SOCS6: variants seen among roughly 807,000 people sequenced by gnomAD.
The protein encoded by SOCS6 is STAT induced STAT inhibitor-4.
A neutral mutation model predicts 27.7 loss-of-function variants in SOCS6; 5 were observed. That is an observed-to-expected ratio of 0.18 (90% CI 0.09 to 0.38). The LOEUF is 0.38. Among genes scored for constraint, SOCS6 ranks in the 10% least tolerant of loss-of-function variants. The pLI, the probability that SOCS6 is intolerant of heterozygous loss-of-function variation, is 1.00. For synonymous variants in SOCS6, 271 were observed against 260.0 expected, an observed-to-expected ratio of 1.04 and a Z score of -0.41; for missense variants, 595 against 688.1, an observed-to-expected ratio of 0.86 and a Z score of 1.51.
intron 1 of SOCS6, among the ~76,000 whole-genome samples, chr18:70,313,341 A>G (rs1330904379): frequency 1.3e-5 from 2 of 151,416 alleles, no homozygotes; most frequent in South Asian, 2.1e-4. Context: ...GTTTTTCTCT[A>G]TTTTTTGCTT....
intron 1 of SOCS6, among the ~76,000 whole-genome samples, chr18:70,290,155 C>T: frequency 6.6e-6 from 1 of 152,190 alleles, no homozygotes. Context: ...ACAGAGAACA[C>T]AGTAATGACA....
At chr18:70,301,531 G>A (rs2062348210) in intron 1 of SOCS6, among the ~76,000 whole-genome samples, 2 of 151,998 alleles carry the variant, frequency 1.3e-5, no homozygotes, top group Admixed American at 1.3e-4. Context: ...CTGGGGTGGG[G>A]GTGGGGTGGG....
chr18:70,317,502 AC>A (rs2062416946), intron 1 of SOCS6, among the ~76,000 whole-genome samples: 1 of 137,172 alleles, frequency 7.3e-6, no homozygotes, highest in Admixed American at 7.4e-5. Context: ...ACACATATAT[AC>A]ATACATATAT....
intron 1 of SOCS6, among the ~76,000 whole-genome samples, chr18:70,309,252 T>TA (rs1036371329): frequency 3.9e-5 from 6 of 152,242 alleles, no homozygotes; most frequent in African/African-American, 1.4e-4. Flanking sequence ...CATTAAATAA[T>TA]AAAAAAACTT....
At position 70,294,962 on chromosome 18, in the gene SOCS6, G is replaced by A. The variant is rs142962075; in HGVS notation, c.-127+5872G>A. On this transcript the variant is annotated intron_variant, in intron 1 of 1. Transcript: ENST00000397942. ...AGTGATGATTATCTTATTTTCCATA[G>A]CATCGGACTCTTGAGTATAGAGAAG... is the stretch of plus-strand genomic sequence containing the variant. 3.3e-5 allele frequency among the ~76,000 whole-genome samples: 5 copies of A among 152,320 alleles called. No homozygotes were observed. The East Asian group carries it at 7.7e-4, about 23-fold the overall frequency.
chr18:70,305,407 A>G (rs2146272957), intron 1 of SOCS6, among the ~76,000 whole-genome samples: 1 of 152,338 alleles, frequency 6.6e-6, no homozygotes, highest in East Asian at 1.9e-4. Context: ...AGTCGACTAT[A>G]AATGTAAGGA....
At chr18:70,321,321 T>C (rs1213386032) in intron 1 of SOCS6, among the ~76,000 whole-genome samples, 6 of 134,464 alleles carry the variant, frequency 4.5e-5, no homozygotes, top group Non-Finnish European at 9.6e-5. Flanking sequence ...AGTTTTTTTT[T>C]TTTTTTTTTT....
intron 1 of SOCS6, among the ~76,000 whole-genome samples, chr18:70,298,756 A>G (rs900798476): frequency 6.6e-6 from 1 of 152,236 alleles, no homozygotes; most frequent in Admixed American, 6.5e-5. Context: ...TGATACACAC[A>G]GTGGTAAAGA....
chr18:70,304,842 A>G (rs1364319553), intron 1 of SOCS6, among the ~76,000 whole-genome samples: 2 of 152,162 alleles, frequency 1.3e-5, no homozygotes, highest in African/African-American at 2.4e-5. Flanking sequence ...TCTCTTATAT[A>G]TTGTGCTTTT....
chr18:70,320,178 G>A (rs1025977848), intron 1 of SOCS6, among the ~76,000 whole-genome samples: 2 of 151,856 alleles, frequency 1.3e-5, no homozygotes, highest in African/African-American at 4.8e-5. Context: ...TAGTAGAGAC[G>A]GGGTTTCACC....
rs191937305 is a variant in SOCS6 at position 70,316,136 on chromosome 18, C to T, written c.-126-8407C>T. 1.4e-4 allele frequency among the ~76,000 whole-genome samples: 21 copies of T among 152,342 alleles called. No individual in the cohort carries two copies. In the East Asian group the frequency reaches 4.0e-3, roughly 29 times the overall value. ...AAGTGCTGGGATTACAGGCATGAGCCACCTCGCCCGGCTGATATGTAGCAT... is the reference window on the plus strand; with the variant it reads ...AAGTGCTGGGATTACAGGCATGAGCTACCTCGCCCGGCTGATATGTAGCAT... On this transcript the variant is annotated intron_variant, in intron 1 of 1. Transcript: ENST00000397942.
At chr18:70,304,379 GA>G (rs35224917) in intron 1 of SOCS6, among the ~76,000 whole-genome samples, 3 of 149,500 alleles carry the variant, frequency 2.0e-5, no homozygotes, top group Non-Finnish European at 3.0e-5. Flanking sequence ...TGCAATCGGG[GA>G]AAAAAAAAAC....
At chr18:70,290,437 G>T (rs2062293588) in intron 1 of SOCS6, among the ~76,000 whole-genome samples, 1 of 152,170 alleles carries the variant, frequency 6.6e-6, no homozygotes, top group South Asian at 2.1e-4. Context: ...AAACACGAAT[G>T]GCATTGCTCA....
In SOCS6 at chr18:70,317,485, C is replaced by T. The variant is rs542147503; in HGVS notation, c.-126-7058C>T. ...ATACATATATACACATATATACATA[C>T]ATATATACACATATATACATACATA... On this transcript the variant is annotated intron_variant, in intron 1 of 1. Coordinates refer to ENST00000397942, the MANE Select transcript of SOCS6 (RefSeq NM_004232.4). 1.4e-4 allele frequency among the ~76,000 whole-genome samples: 20 copies of T among 145,560 alleles called. No individual in the cohort carries two copies. The South Asian group carries it at 4.5e-3, about 33-fold the overall frequency.
intron 1 of SOCS6, among the ~76,000 whole-genome samples, chr18:70,304,464 C>T (rs1196243091): frequency 6.6e-6 from 1 of 152,138 alleles, no homozygotes; most frequent in Non-Finnish European, 1.5e-5. Context: ...GCATCCCTCC[C>T]TTTGTCATGA....
chr18:70,291,524 C>T (rs773490356), intron 1 of SOCS6, among the ~76,000 whole-genome samples: 6 of 152,162 alleles, frequency 3.9e-5, no homozygotes, highest in Non-Finnish European at 7.4e-5. Flanking sequence ...TTATTTTGCT[C>T]ATAGAGGTGT....
intron 1 of SOCS6, among the ~76,000 whole-genome samples, chr18:70,318,107 C>T (rs922583821): frequency 2.0e-5 from 3 of 152,178 alleles, no homozygotes; most frequent in African/African-American, 2.4e-5. Context: ...CCACCTGCCT[C>T]AGCATCCCAA....
intron 1 of SOCS6, among the ~76,000 whole-genome samples, chr18:70,305,338 GCAC>G (rs1297530923): frequency 6.6e-6 from 1 of 152,192 alleles, no homozygotes; most frequent in Non-Finnish European, 1.5e-5. Context: ...ATTTGTCCCA[GCAC>G]CATTTGTCAA....
rs773474063 is a variant in SOCS6 at position 70,325,249 on chromosome 18, C to G, written c.581C>G (p.Ser194Trp). ...GAGCAAGCCAATTCACTGAAGAGCT[C>G]GGCTTCTCATAATGGAGACCTGCAT... is the stretch of plus-strand genomic sequence containing the variant. ...CQEQANSLKS[S>W]ASHNGDLHLH... is the part of the protein sequence containing the mutation. Residue 194 changes from serine to tryptophan, a missense_variant, in exon 2 of 2, where the codon TCG becomes TGG. Physicochemically the swap from Ser to Trp is radical, Grantham distance 177. Transcript: ENST00000397942. The surrounding 1 kb of genome is among the most constrained non-coding windows in gnomAD (Gnocchi z 6.3). 1 of 1,614,166 alleles carries G rather than the reference C, an allele frequency of 6.2e-7. No individual in the cohort carries two copies. Among genetic ancestry groups the G allele is most frequent in the Non-Finnish European group, 8.5e-7 (1 of 1,180,008 alleles).
Sources: allele counts gnomAD v4.1 joint callset (sites outside exome capture counted in the v4.1 genomes callset), GRCh38; gene constraint gnomAD v4.1.1; non-coding constraint Gnocchi (gnomAD v3.1); transcripts MANE v1.5; gene names NCBI Gene and HGNC (gene_info 2026-07-23, HGNC 2026-07-21).